The following XKR4 variants were observed in gnomAD, a reference collection of about 807,000 sequenced individuals.
XKR4 encodes XK-related protein 4.
A neutral mutation model predicts 53.9 loss-of-function variants in XKR4; 12 were observed. The observed-to-expected ratio is 0.22, with a 90% CI of 0.14 to 0.36. The LOEUF (loss-of-function observed/expected upper bound fraction) is 0.36. Among genes scored for constraint, XKR4 ranks in the 10% least tolerant of loss-of-function variants. XKR4 has a pLI of 1.00. For missense variants in XKR4, 799 were observed against 859.5 expected, an observed-to-expected ratio of 0.93 and a Z score of 0.88; for synonymous variants, 354 against 362.4, an observed-to-expected ratio of 0.98 and a Z score of 0.26.
At chr8:55,188,374 T>C (rs532468454) in intron 1 of XKR4, among the ~76,000 whole-genome samples, 8 of 152,276 alleles carry the variant, frequency 5.3e-5, no homozygotes, top group African/African-American at 1.9e-4. Flanking sequence ...TTATTTCTCC[T>C]AAAAAGACAA....
intron 1 of XKR4, among the ~76,000 whole-genome samples, chr8:55,270,318 C>T (rs1384709470): frequency 6.6e-6 from 1 of 152,162 alleles, no homozygotes; most frequent in Non-Finnish European, 1.5e-5. Flanking sequence ...CCACCTCCCA[C>T]ATTTACCTCT....
intron 1 of XKR4, among the ~76,000 whole-genome samples, chr8:55,207,557 C>T (rs1389362744): frequency 6.6e-6 from 1 of 152,100 alleles, no homozygotes; most frequent in Non-Finnish European, 1.5e-5. Context: ...TCATCCCTAG[C>T]CCCAATCCTT....
At chr8:55,291,265 T>C (rs1819014673) in intron 1 of XKR4, among the ~76,000 whole-genome samples, 1 of 152,230 alleles carries the variant, frequency 6.6e-6, no homozygotes, top group African/African-American at 2.4e-5. Flanking sequence ...TTGATTACTA[T>C]AGATGTATAA....
chr8:55,465,666 C>T (rs1297160499), intron 2 of XKR4, among the ~76,000 whole-genome samples: 10 of 151,926 alleles, frequency 6.6e-5, no homozygotes, highest in Non-Finnish European at 1.2e-4. Context: ...AGCTTCTGCA[C>T]AGCAAAAGAA....
chr8:55,263,935 G>A (rs4490812), intron 1 of XKR4, among the ~76,000 whole-genome samples: 119,492 of 152,154 alleles, frequency 0.79, 49,172 homozygotes, highest in Non-Finnish European at 0.92. Flanking sequence ...GGTCATTGCA[G>A]GTGTATTGAA....
rs544808962 is a variant in XKR4, at chr8:55,537,005, T to C, written c.*12778T>C. On this transcript the variant is annotated 3_prime_UTR_variant, in exon 3 of 3. Coordinates refer to ENST00000327381, the MANE Select transcript of XKR4 (RefSeq NM_052898.2). ...TTTTAATTTTAAGCATTCCTTATGA[T>C]ATTTTTTAAGCCTAAAAACCATTCA... The C allele has an allele frequency of 2.0e-5, 3 of 152,392 alleles. No individual in the cohort carries two copies. In the East Asian group the frequency reaches 5.8e-4, roughly 29 times the overall value. 9.4% of individuals were successfully genotyped at this position (152,392 alleles called of 1,614,324 possible).
chr8:55,428,862 G>A (rs772502290), intron 2 of XKR4, among the ~76,000 whole-genome samples: 4 of 152,224 alleles, frequency 2.6e-5, no homozygotes, highest in Non-Finnish European at 5.9e-5. Flanking sequence ...CCAAATGGAT[G>A]TGGGTTTAAT....
rs1806960731 is a variant in XKR4 at position 55,532,036 on chromosome 8, A to G, written c.*7809A>G. 4 of 152,346 alleles carry G rather than the reference A, an allele frequency of 2.6e-5. No individual in the cohort carries two copies. The highest frequency in any genetic ancestry group is 2.6e-4 in the Admixed American group (4 of 15,306). 9.4% of individuals were successfully genotyped at this position (152,346 alleles called of 1,614,324 possible). A position where few individuals can be genotyped will look rare whatever the true frequency, so the allele number is the denominator to read the frequency against. ...GGCTTCCCACATATATAAGCAGCAG[A>G]TTGTTAAAGATCACTATTAACTTGT... On this transcript the variant is annotated 3_prime_UTR_variant, in exon 3 of 3. Transcript: ENST00000327381.
At chr8:55,492,231 T>C (rs1279893503) in intron 2 of XKR4, among the ~76,000 whole-genome samples, 1 of 152,214 alleles carries the variant, frequency 6.6e-6, no homozygotes, top group East Asian at 1.9e-4. Flanking sequence ...AGTTGTCTAG[T>C]TGTTTATGGA....
At position 55,536,329 on chromosome 8, in the gene XKR4, A is replaced by G. The variant is rs1807031988; in HGVS notation, c.*12102A>G. 1 of 152,200 alleles carries G rather than the reference A, an allele frequency of 6.6e-6. No homozygotes were observed. The highest frequency in any genetic ancestry group is 1.5e-5 in the Non-Finnish European group (1 of 68,038). 9.4% of individuals were successfully genotyped at this position (152,200 alleles called of 1,614,324 possible). A position where few individuals can be genotyped will look rare whatever the true frequency, so the allele number is the denominator to read the frequency against. On this transcript the variant is annotated 3_prime_UTR_variant, in exon 3 of 3. Coordinates refer to ENST00000327381, the MANE Select transcript of XKR4 (RefSeq NM_052898.2). The stretch of plus-strand genomic sequence containing the variant: ...CAAGCTCTGATTCTTCCTCCTGACT[A>G]AGTTTCTTTTCTTTGGGGGGCTTTC...
chr8:55,349,443 C>G (rs955720263), intron 1 of XKR4, among the ~76,000 whole-genome samples: 1 of 152,158 alleles, frequency 6.6e-6, no homozygotes, highest in African/African-American at 2.4e-5. Context: ...ATCTCTCAGC[C>G]ATATCACCTT....
intron 1 of XKR4, chr8:55,164,621 A>C (rs1354281042): frequency 3.0e-6 from 1 of 328,828 alleles, no homozygotes; most frequent in African/African-American, 2.2e-5. Flanking sequence ...AAGAAAGGAG[A>C]AAGGACAGCA....
chr8:55,211,859 C>A (rs571856093), intron 1 of XKR4, among the ~76,000 whole-genome samples: 3 of 152,164 alleles, frequency 2.0e-5, no homozygotes, highest in Non-Finnish European at 1.5e-5. Context: ...CATGACAGAG[C>A]CCCAGAGGAT....
intron 2 of XKR4, among the ~76,000 whole-genome samples, chr8:55,415,518 C>T (rs76359627): frequency 0.12 from 18,108 of 151,960 alleles, 2,814 homozygotes; most frequent in African/African-American, 0.36. Flanking sequence ...TGTTGTGGGC[C>T]GGGTGCTGAG....
intron 2 of XKR4, among the ~76,000 whole-genome samples, chr8:55,494,632 G>A (rs547772175): frequency 6.6e-6 from 1 of 152,274 alleles, no homozygotes; most frequent in African/African-American, 2.4e-5. Context: ...TCTCAGCAGA[G>A]AGGGTAACTC....
chr8:55,365,224 G>A (rs1417523681), intron 2 of XKR4, among the ~76,000 whole-genome samples: 7 of 152,206 alleles, frequency 4.6e-5, no homozygotes, highest in South Asian at 4.1e-4. Flanking sequence ...CCTGCTGTGC[G>A]CGCTGGCTGC....
chr8:55,520,923 A>C (rs909454447), intron 2 of XKR4: 3 of 152,210 alleles, frequency 2.0e-5, no homozygotes, highest in Non-Finnish European at 4.4e-5. Flanking sequence ...TGTGTACTTA[A>C]AGTTTTCTTA....
At chr8:55,249,860 C>T (rs1458034550) in intron 1 of XKR4, among the ~76,000 whole-genome samples, 1 of 152,176 alleles carries the variant, frequency 6.6e-6, no homozygotes, top group African/African-American at 2.4e-5. Context: ...TAGAGAATTA[C>T]ACAGTGTTAA....
intron 1 of XKR4, among the ~76,000 whole-genome samples, chr8:55,346,827 C>T (rs1034645173): frequency 6.6e-6 from 1 of 151,900 alleles, no homozygotes; most frequent in Admixed American, 6.6e-5. Context: ...AGATTTCACT[C>T]TGTATTTTTC....
Sources: gnomAD v4.1 joint callset for allele counts (sites outside exome capture counted in the v4.1 genomes callset) on GRCh38, gnomAD v4.1.1 for gene constraint, MANE v1.5 for transcripts, NCBI Gene and HGNC (gene_info 2026-07-23, HGNC 2026-07-21) for gene names.